REL: variants seen among roughly 807,000 people sequenced by gnomAD.
The protein encoded by REL is REL proto-oncogene, NF-kB subunit.
Under a neutral mutation model 45.9 loss-of-function variants are expected in REL, and 15 were observed. The observed-to-expected ratio is 0.33, with a 90% confidence interval of 0.22 to 0.50. The LOEUF is 0.50. REL is among the 20% of genes least tolerant of loss of function. REL has a pLI of 0.98. For missense variants in REL, 601 were observed against 715.2 expected, an observed-to-expected ratio of 0.84 and a Z score of 1.82; for synonymous variants, 239 against 242.1, an observed-to-expected ratio of 0.99 and a Z score of 0.12.
chr2:60,897,725 G>A (rs1442645429), intron 3 of REL, among the ~76,000 whole-genome samples: 1 of 151,966 alleles, frequency 6.6e-6, no homozygotes, highest in Non-Finnish European at 1.5e-5. Context: ...TCCCTTAAAT[G>A]TCTCAAAAGT....
At chr2:60,913,917 A>G (rs1673888291) in intron 4 of REL, among the ~76,000 whole-genome samples, 1 of 152,200 alleles carries the variant, frequency 6.6e-6, no homozygotes, top group Admixed American at 6.5e-5. Context: ...TAACTTGTAA[A>G]AGTATCTAAA....
intron 1 of REL, 69 bp downstream of exon 1, chr2:60,881,919 T>C: frequency 8.6e-7 from 1 of 1,161,714 alleles, no homozygotes; most frequent in Non-Finnish European, 1.2e-6. Context: ...CCTGCCGCAG[T>C]GAGTTTAGGG....
chr2:60,912,883 AAAAT>A (rs1297583820), intron 4 of REL, among the ~76,000 whole-genome samples: 1 of 152,160 alleles, frequency 6.6e-6, no homozygotes, highest in Non-Finnish European at 1.5e-5. Flanking sequence ...GCTTGAAAAA[AAAAT>A]AGTTATTTAA....
rs529634518 is a variant in REL at position 60,897,920 on chromosome 2, G to C, written c.303-3072G>C. ...AATATTCCCCAAACGTGATTTTACT[G>C]TGATCATATCTCTTTCCCCTCATAA... is the stretch of plus-strand genomic sequence containing the variant. On this transcript the variant is annotated intron_variant, in intron 3 of 9. Transcript: ENST00000394479. Among the ~76,000 whole-genome samples, 6 of 150,000 alleles carry C rather than the reference G, an allele frequency of 4.0e-5. No homozygotes were observed. In the South Asian group the frequency reaches 1.3e-3, roughly 32 times the overall value.
intron 1 of REL, among the ~76,000 whole-genome samples, chr2:60,886,468 C>A (rs1227874221): frequency 1.3e-5 from 2 of 152,078 alleles, no homozygotes; most frequent in Non-Finnish European, 2.9e-5. Context: ...ATTAGCATAC[C>A]ATTCATAATT....
chr2:60,919,296 ATGATC>A (rs1674066314), intron 7 of REL, among the ~76,000 whole-genome samples: 1 of 151,980 alleles, frequency 6.6e-6, no homozygotes. Context: ...GTACAGTGGC[ATGATC>A]GTGGCTCACC....
Position 60,918,481 on chromosome 2 carries a change from T to C in REL, c.728T>C (p.Val243Ala). The change falls in exon 7 of 10, where the codon GTT (valine) becomes GCT (alanine). Residue 243 changes from valine (V) to alanine (A), a missense_variant. Physicochemically the swap from Val to Ala is moderately conservative, Grantham distance 64 (BLOSUM62 0). Transcript: ENST00000394479. ...GATGTACACCGTCAAGTAGCCATTG[T>C]TTTCAAAACTCCACCATATTGCAAA... ...QADVHRQVAI[V>A]FKTPPYCKAI... The C allele has an allele frequency of 6.2e-7, 1 of 1,614,066 alleles. No individual in the cohort carries two copies.
chr2:60,891,696 G>T lies in REL; in HGVS notation c.24G>T (p.Pro8=), dbSNP rs144201614. 1 of 1,613,220 alleles carries T rather than the reference G, an allele frequency of 6.2e-7. No individual in the cohort carries two copies. The highest frequency in any genetic ancestry group is 8.5e-7 in the Non-Finnish European group (1 of 1,179,610). Residue 8 remains proline (P), a synonymous_variant, in exon 2 of 10, where the codon CCG becomes CCT. Transcript: ENST00000394479. ...AAAACTTTTCAGGTGCGTATAACCC[G>T]TATATAGAGATAATTGAACAACCCA... MASGAYN[P]YIEIIEQPRQ...
Position 60,881,812 on chromosome 2 carries a change from G to A in REL, c.-29G>A. On this transcript the variant is annotated 5_prime_UTR_variant, in exon 1 of 10. Coordinates refer to ENST00000394479, the MANE Select transcript of REL (RefSeq NM_001291746.2). ...GCCTCCGGCCAGGACGCTGGGAGCT[G>A]CCTGCGGGAAGGTGCGGGGAGCGGA... The A allele has an allele frequency of 1.3e-6, 2 of 1,526,730 alleles. No individual in the cohort carries two copies. The highest frequency in any genetic ancestry group is 8.8e-7 in the Non-Finnish European group (1 of 1,138,186). The allele number at this position is 1,526,730 out of a possible 1,614,324, so 94.6% of individuals were successfully genotyped here.
At chr2:60,910,482 CAAAA>C (rs11311284) in intron 4 of REL, among the ~76,000 whole-genome samples, 1 of 138,352 alleles carries the variant, frequency 7.2e-6, no homozygotes, top group African/African-American at 2.7e-5. Context: ...AAACAAAAAA[CAAAA>C]AAAAAAAAAA....
Position 60,926,131 on chromosome 2 carries a change from G to A in REL, c.*3596G>A. 4.3e-6 allele frequency: 1 copy of A among 231,802 alleles called. No individual in the cohort carries two copies. The highest frequency in any genetic ancestry group is 8.6e-6 in the Non-Finnish European group (1 of 116,848). The allele number at this position is 231,802 out of a possible 1,614,324, so 14.4% of individuals were successfully genotyped here. A position where few individuals can be genotyped will look rare whatever the true frequency, so the allele number is the denominator to read the frequency against. ...TTTTTCTGAACTCTACTTGTGCACT[G>A]GATCCCTCCTCCTTTCTCTGCCAGG... On this transcript the variant is annotated 3_prime_UTR_variant, in exon 10 of 10. Transcript: ENST00000394479.
chr2:60,887,586 A>G (rs1159472993), intron 1 of REL, among the ~76,000 whole-genome samples: 3 of 151,494 alleles, frequency 2.0e-5, no homozygotes, highest in Admixed American at 2.0e-4. Flanking sequence ...GTTATTTGGA[A>G]TAATTGCTAT....
intron 3 of REL, chr2:60,899,155 A>T (rs751553551): frequency 3.3e-5 from 5 of 152,190 alleles, no homozygotes; most frequent in African/African-American, 4.8e-5. Context: ...GAGGAAGAGG[A>T]TTATAGTTGC....
chr2:60,885,123 A>G (rs2103914400), intron 1 of REL, among the ~76,000 whole-genome samples: 1 of 152,342 alleles, frequency 6.6e-6, no homozygotes, highest in Non-Finnish European at 1.5e-5. Flanking sequence ...ATGAATCATA[A>G]TTAGGAACAT....
At chr2:60,906,891 G>GTATATATATA (rs1440672889) in intron 4 of REL, among the ~76,000 whole-genome samples, 1 of 124,368 alleles carries the variant, frequency 8.0e-6, no homozygotes, top group African/African-American at 3.4e-5. Context: ...ATGTGTGTGT[G>GTATATATATA]TGTATATATA....
chr2:60,902,474 T>C (rs1423273750), intron 4 of REL, among the ~76,000 whole-genome samples: 4 of 152,050 alleles, frequency 2.6e-5, no homozygotes, highest in Admixed American at 6.6e-5. Context: ...ATTCTACTCC[T>C]TCATTTTTTT....
chr2:60,918,693 T>G (rs1674050968), intron 7 of REL, 87 bp downstream of exon 7: 1 of 876,798 alleles, frequency 1.1e-6, no homozygotes, highest in Non-Finnish European at 1.8e-6. Flanking sequence ...TTGAGTACAG[T>G]TATGTATATT....
In REL at chr2:60,929,759, T is replaced by G. The variant is rs1382281327; in HGVS notation, c.*7224T>G. On this transcript the variant is annotated 3_prime_UTR_variant, in exon 10 of 10. Transcript: ENST00000394479. ...GGGTGCAGTGCACCAGCATGGCACA[T>G]GTATACATATGTAAGTAACCTGCAC... is the stretch of plus-strand genomic sequence containing the variant. 1 of 151,882 alleles carries G rather than the reference T, an allele frequency of 6.6e-6. No homozygotes were observed. Among genetic ancestry groups the G allele is most frequent in the African/African-American group, 2.4e-5 (1 of 41,392 alleles). 9.4% of individuals were successfully genotyped at this position (151,882 alleles called of 1,614,324 possible).
intron 1 of REL, among the ~76,000 whole-genome samples, chr2:60,886,454 C>G (rs1010392329): frequency 1.3e-5 from 2 of 152,108 alleles, no homozygotes; most frequent in African/African-American, 2.4e-5. Flanking sequence ...TTTGGCACTG[C>G]CATATTAGCA....
Sources: gnomAD v4.1 joint callset for allele counts (sites outside exome capture counted in the v4.1 genomes callset) on GRCh38, gnomAD v4.1.1 for gene constraint, MANE v1.5 for transcripts, NCBI Gene and HGNC (gene_info 2026-07-23, HGNC 2026-07-21) for gene names.